The following CAB39 variants were observed in gnomAD, a reference collection of about 807,000 sequenced individuals.
The protein encoded by CAB39 is calcium binding protein 39.
A neutral mutation model predicts 40.0 loss-of-function variants in CAB39; 8 were observed. The observed-to-expected ratio is 0.20, with a 90% CI of 0.12 to 0.36. The LOEUF (loss-of-function observed/expected upper bound fraction) is 0.36, where lower values mean the gene tolerates loss of function less well. Among genes scored for constraint, CAB39 ranks in the 10% least tolerant of loss-of-function variants. CAB39 has a pLI of 1.00. For missense variants in CAB39, 270 were observed against 401.1 expected (o/e 0.67, Z 2.79); for synonymous variants, 156 against 141.6 (o/e 1.10, Z -0.72).
At chr2:230,766,465 G>A (rs944966454) in intron 2 of CAB39, among the ~76,000 whole-genome samples, 1 of 152,142 alleles carries the variant, frequency 6.6e-6, no homozygotes, top group African/African-American at 2.4e-5. Flanking sequence ...CATGGGGAGA[G>A]CACCAAGCCA....
chr2:230,748,819 A>AG (rs1475364615), intron 1 of CAB39, among the ~76,000 whole-genome samples: 3 of 53,242 alleles, frequency 5.6e-5, no homozygotes, highest in East Asian at 1.1e-3. Context: ...AAAAGAAAAA[A>AG]AAAAAAAAAA....
At chr2:230,814,194 G>A in intron 7 of CAB39, 80 bp downstream of exon 7, 1 of 739,212 alleles carries the variant, frequency 1.4e-6, no homozygotes, top group East Asian at 2.7e-5. Flanking sequence ...GAGATGTGCA[G>A]GATGGGTCAT....
intron 1 of CAB39, among the ~76,000 whole-genome samples, chr2:230,732,080 CT>C (rs796715993): frequency 1.7e-3 from 245 of 141,810 alleles, no homozygotes; most frequent in Admixed American, 1.7e-3. Context: ...TTATCTCTCT[CT>C]TTTTTTTTTT....
intron 2 of CAB39, among the ~76,000 whole-genome samples, chr2:230,767,189 T>G (rs940021923): frequency 2.0e-5 from 3 of 152,254 alleles, no homozygotes; most frequent in African/African-American, 2.4e-5. Flanking sequence ...GCAAAATGCA[T>G]ACTTCAAAAC....
chr2:230,768,526 G>T (rs1170455613), intron 2 of CAB39, among the ~76,000 whole-genome samples: 1 of 152,204 alleles, frequency 6.6e-6, no homozygotes, highest in Non-Finnish European at 1.5e-5. Flanking sequence ...ATCTAGGACA[G>T]TTCTCAAGTC....
intron 4 of CAB39, among the ~76,000 whole-genome samples, chr2:230,797,535 T>G: frequency 2.8e-5 from 4 of 144,150 alleles, no homozygotes; most frequent in African/African-American, 2.6e-5. Context: ...GGGGTGGGGG[T>G]GATTTTATGG....
intron 4 of CAB39, among the ~76,000 whole-genome samples, chr2:230,794,212 A>G (rs561893190): frequency 6.6e-6 from 1 of 152,306 alleles, no homozygotes; most frequent in East Asian, 1.9e-4. Context: ...ACTTCCCCCA[A>G]GTTCAAGCTT....
chr2:230,733,741 T>C (rs1694736168), intron 1 of CAB39, among the ~76,000 whole-genome samples: 3 of 152,232 alleles, frequency 2.0e-5, no homozygotes, highest in Admixed American at 1.3e-4. Flanking sequence ...TTATATAATG[T>C]TTAATTCTTT....
chr2:230,762,994 A>G (rs1022330490), intron 2 of CAB39, among the ~76,000 whole-genome samples: 1 of 152,246 alleles, frequency 6.6e-6, no homozygotes, highest in African/African-American at 2.4e-5. Flanking sequence ...TGAGGACCCA[A>G]AAGAGATTCG....
intron 1 of CAB39, among the ~76,000 whole-genome samples, chr2:230,755,381 C>T (rs1446663462): frequency 6.6e-6 from 1 of 152,168 alleles, no homozygotes; most frequent in African/African-American, 2.4e-5. Context: ...TTGCATTTCC[C>T]TGATCATTAG....
In CAB39 at chr2:230,807,217, C is replaced by G. The variant is rs561973859; in HGVS notation, c.568-3046C>G. ...ATTCTGTTGGTCTACACACACCCCC[C>G]TCCCACCCACACTCACCCCAGTTTG... On this transcript the variant is annotated intron_variant, in intron 5 of 8. Transcript: ENST00000258418. Among the ~76,000 whole-genome samples the G allele has an allele frequency of 2.0e-5, 3 of 152,204 alleles. No homozygotes were observed. In the South Asian group the frequency reaches 6.2e-4, roughly 32 times the overall value.
At chr2:230,752,525 A>G (rs763277320) in intron 1 of CAB39, among the ~76,000 whole-genome samples, 5 of 152,184 alleles carry the variant, frequency 3.3e-5, no homozygotes, top group Non-Finnish European at 5.9e-5. Context: ...GAAGAGAGCA[A>G]TCCACTCCTG....
chr2:230,778,536 C>G (rs1351428205), intron 2 of CAB39, among the ~76,000 whole-genome samples: 1 of 152,132 alleles, frequency 6.6e-6, no homozygotes, highest in Non-Finnish European at 1.5e-5. Context: ...AATACGAAAC[C>G]TCCTGAGGTT....
chr2:230,761,233 GA>G (rs532942235), intron 2 of CAB39, among the ~76,000 whole-genome samples: 253 of 152,244 alleles, frequency 1.7e-3, no homozygotes, highest in African/African-American at 5.6e-3. Context: ...TGTGTACATT[GA>G]AGTATCAAAA....
intron 5 of CAB39, among the ~76,000 whole-genome samples, chr2:230,801,609 C>T (rs547631117): frequency 1.6e-4 from 24 of 152,222 alleles, no homozygotes; most frequent in African/African-American, 3.4e-4. Flanking sequence ...TGGTGGCTCA[C>T]GCCTGTAATC....
At chr2:230,771,301 T>TG (rs1236150797) in intron 2 of CAB39, among the ~76,000 whole-genome samples, 1 of 151,852 alleles carries the variant, frequency 6.6e-6, no homozygotes, top group Non-Finnish European at 1.5e-5. Flanking sequence ...TAGGTGTAAT[T>TG]GGGAAAAAAG....
At chr2:230,725,912 A>G (rs1345569460) in intron 1 of CAB39, among the ~76,000 whole-genome samples, 1 of 152,206 alleles carries the variant, frequency 6.6e-6, no homozygotes. Context: ...ATCAGACTGC[A>G]CTTGATGTTG....
intron 2 of CAB39, among the ~76,000 whole-genome samples, chr2:230,769,024 G>A (rs530909485): frequency 2.6e-4 from 39 of 152,050 alleles, no homozygotes; most frequent in Non-Finnish European, 4.6e-4. Flanking sequence ...TTTACAGTTA[G>A]CAACTTAAAA....
intron 2 of CAB39, among the ~76,000 whole-genome samples, chr2:230,773,030 G>C (rs1454525461): frequency 2.0e-5 from 3 of 146,630 alleles, no homozygotes; most frequent in African/African-American, 7.5e-5. Context: ...CAGCATGGAT[G>C]AATCTCAAAG....
Sources: gnomAD v4.1 joint callset for allele counts (sites outside exome capture counted in the v4.1 genomes callset) on GRCh38, gnomAD v4.1.1 for gene constraint, MANE v1.5 for transcripts, NCBI Gene and HGNC (gene_info 2026-07-23, HGNC 2026-07-21) for gene names.